The following ADGRB3 variants were observed in gnomAD, a reference collection of about 807,000 sequenced individuals.
The protein encoded by ADGRB3 is adhesion G protein-coupled receptor B3.
A neutral mutation model predicts 193.4 loss-of-function variants in ADGRB3; 37 were observed. That is an observed-to-expected ratio of 0.19 (90% CI 0.15 to 0.25). The LOEUF (loss-of-function observed/expected upper bound fraction) is 0.25. Ranked by LOEUF, ADGRB3 falls within the 10% of genes least tolerant of loss-of-function variation. The pLI, the probability that ADGRB3 is intolerant of heterozygous loss-of-function variation, is 1.00. For synonymous variants in ADGRB3, 690 were observed against 644.2 expected, an observed-to-expected ratio of 1.07 and a Z score of -1.08; for missense variants, 1,637 against 1,852.9, an observed-to-expected ratio of 0.88 and a Z score of 2.14.
At chr6:69,119,561 C>G (rs1355929483) in intron 17 of ADGRB3, among the ~76,000 whole-genome samples, 1 of 150,602 alleles carries the variant, frequency 6.6e-6, no homozygotes, top group Non-Finnish European at 1.5e-5. Context: ...GTGATTTCAG[C>G]AAAGACTTTA....
chr6:69,042,646 G>A lies in ADGRB3; in HGVS notation c.2108-5539G>A, dbSNP rs201534940. Among the ~76,000 whole-genome samples, 11 of 152,088 alleles carry A rather than the reference G, an allele frequency of 7.2e-5. No homozygotes were observed. The East Asian group carries it at 1.2e-3, about 16-fold the overall frequency. On this transcript the variant is annotated intron_variant, in intron 13 of 31. Transcript: ENST00000370598. ...TTCTAACACACTGAGGCAATGCATC[G>A]TTCTCTCCTGACCCTATATTTTTCT...
chr6:68,848,146 T>G (rs559693144), intron 3 of ADGRB3, among the ~76,000 whole-genome samples: 1 of 151,992 alleles, frequency 6.6e-6, no homozygotes, highest in Admixed American at 6.6e-5. Context: ...TTAAAAACTT[T>G]TAAACATAAA....
chr6:69,058,961 A>G (rs1771632538), intron 15 of ADGRB3, among the ~76,000 whole-genome samples: 2 of 151,964 alleles, frequency 1.3e-5, no homozygotes, highest in African/African-American at 2.4e-5. Flanking sequence ...GTTAGGTCCA[A>G]TTCATCTATA....
intron 8 of ADGRB3, among the ~76,000 whole-genome samples, chr6:68,971,489 A>G (rs546253376): frequency 2.9e-4 from 44 of 152,340 alleles, no homozygotes; most frequent in South Asian, 4.1e-4. Context: ...AAAAATCCAC[A>G]TATAAGTGGA....
intron 3 of ADGRB3, among the ~76,000 whole-genome samples, chr6:68,752,557 G>C (rs559517985): frequency 6.6e-6 from 1 of 152,280 alleles, no homozygotes; most frequent in South Asian, 2.1e-4. Flanking sequence ...ACAGGCGCGA[G>C]CCACTGTACC....
chr6:69,195,957 C>T (rs543137897), intron 17 of ADGRB3, among the ~76,000 whole-genome samples: 2 of 152,148 alleles, frequency 1.3e-5, no homozygotes, highest in Non-Finnish European at 2.9e-5. Flanking sequence ...TACTGATATC[C>T]ATGAGCATAA....
chr6:68,885,467 C>G (rs1414283216), intron 3 of ADGRB3, among the ~76,000 whole-genome samples: 1 of 152,150 alleles, frequency 6.6e-6, no homozygotes, highest in African/African-American at 2.4e-5. Context: ...TCTATCACCA[C>G]ACATACTTGT....
At chr6:69,175,593 T>C (rs1399846565) in intron 17 of ADGRB3, among the ~76,000 whole-genome samples, 1 of 152,226 alleles carries the variant, frequency 6.6e-6, no homozygotes, top group African/African-American at 2.4e-5. Context: ...CTGGCTTTGT[T>C]TTTTCCTTAG....
At chr6:68,762,404 A>C (rs2127351773) in intron 3 of ADGRB3, among the ~76,000 whole-genome samples, 2 of 152,258 alleles carry the variant, frequency 1.3e-5, no homozygotes, top group South Asian at 4.1e-4. Context: ...GCTAAATCTT[A>C]CTGTGAACTC....
intron 17 of ADGRB3, among the ~76,000 whole-genome samples, chr6:69,118,564 T>G (rs1773596917): frequency 6.6e-6 from 1 of 152,016 alleles, no homozygotes; most frequent in African/African-American, 2.4e-5. Context: ...AAGCCTAAAT[T>G]GCATTTAGAA....
intron 3 of ADGRB3, among the ~76,000 whole-genome samples, chr6:68,744,206 A>G (rs2127343472): frequency 6.6e-6 from 1 of 152,238 alleles, no homozygotes; most frequent in East Asian, 1.9e-4. Context: ...TAATACAAAA[A>G]CAGAACTTTT....
At chr6:69,092,910 G>C (rs571424745) in intron 17 of ADGRB3, among the ~76,000 whole-genome samples, 1 of 152,274 alleles carries the variant, frequency 6.6e-6, no homozygotes, top group South Asian at 2.1e-4. Context: ...TGTTGAGAAA[G>C]GAGCCAATGT....
At chr6:68,817,156 G>T (rs1767646424) in intron 3 of ADGRB3, among the ~76,000 whole-genome samples, 1 of 150,852 alleles carries the variant, frequency 6.6e-6, no homozygotes, top group African/African-American at 2.4e-5. Flanking sequence ...GGCCATTGCT[G>T]GTATTTTATA....
chr6:69,260,255 T>C (rs1766895509), intron 20 of ADGRB3, among the ~76,000 whole-genome samples: 1 of 152,174 alleles, frequency 6.6e-6, no homozygotes, highest in South Asian at 2.1e-4. Flanking sequence ...GTATTTTGTC[T>C]ATGATTTTAC....
chr6:69,114,447 A>G (rs1300939904), intron 17 of ADGRB3, among the ~76,000 whole-genome samples: 2 of 152,110 alleles, frequency 1.3e-5, no homozygotes, highest in East Asian at 3.9e-4. Context: ...ATTTTCTCCC[A>G]TTCTATAGGC....
chr6:69,254,019 A>T (rs1489260304), intron 20 of ADGRB3, among the ~76,000 whole-genome samples: 1 of 152,174 alleles, frequency 6.6e-6, no homozygotes, highest in Non-Finnish European at 1.5e-5. Flanking sequence ...TTGGTGGCAC[A>T]CTTTTTACAT....
intron 17 of ADGRB3, among the ~76,000 whole-genome samples, chr6:69,229,127 T>C (rs543075035): frequency 1.3e-5 from 2 of 152,298 alleles, no homozygotes; most frequent in Admixed American, 1.3e-4. Context: ...TCATTGTATT[T>C]TGACATAGTA....
rs117825888 is a variant in ADGRB3, at chr6:68,923,274, G to A, written c.758-7285G>A. On this transcript the variant is annotated intron_variant, in intron 3 of 31. Coordinates refer to ENST00000370598, the MANE Select transcript of ADGRB3 (RefSeq NM_001704.3). ...AAAGCATTTTTATATCAATATAATAGGTAAAGTAAAAATATGTAAAAGACA... is the reference window on the plus strand; with the variant it reads ...AAAGCATTTTTATATCAATATAATAAGTAAAGTAAAAATATGTAAAAGACA... Among the ~76,000 whole-genome samples the A allele has an allele frequency of 4.4e-3, 664 of 151,964 alleles. 4 individuals are homozygous for A. Among genetic ancestry groups the A allele is most frequent in the Non-Finnish European group, 7.1e-3 (483 of 67,906 alleles).
At chr6:69,201,243 A>G (rs963961062) in intron 17 of ADGRB3, among the ~76,000 whole-genome samples, 1 of 151,972 alleles carries the variant, frequency 6.6e-6, no homozygotes, top group Non-Finnish European at 1.5e-5. Context: ...CTTTATAGAA[A>G]AGTCTTTTCC....
Sources: allele counts gnomAD v4.1 joint callset (sites outside exome capture counted in the v4.1 genomes callset), GRCh38; gene constraint gnomAD v4.1.1; transcripts MANE v1.5; gene names NCBI Gene and HGNC (gene_info 2026-07-23, HGNC 2026-07-21).